Variants in MYOF observed in about 807,000 individuals in gnomAD.
MYOF encodes myoferlin.
MYOF carries 244 observed loss-of-function variants against 284.2 expected under a neutral mutation model. That is an observed-to-expected ratio of 0.86 (90% confidence interval 0.77 to 0.95). The LOEUF (loss-of-function observed/expected upper bound fraction) is 0.95. Ranked by LOEUF, MYOF falls within the 40% of genes least tolerant of loss-of-function variation. The pLI, the probability that MYOF is intolerant of heterozygous loss-of-function variation, is 0.00. For synonymous variants in MYOF, 904 were observed against 919.7 expected (o/e 0.98, Z 0.31); for missense variants, 2,496 against 2,560.6 (o/e 0.97, Z 0.54).
At chr10:93,361,370 C>G (rs931601388) in intron 28 of MYOF, 82 bp downstream of exon 28, 47 of 1,352,216 alleles carry the variant, frequency 3.5e-5, no homozygotes, top group Non-Finnish European at 4.3e-5. Flanking sequence ...AAGTGAGGCC[C>G]CTCCCTCCCA....
At chr10:93,329,054 A>T in intron 44 of MYOF, 143 bp from the exon 45 acceptor site, 1 of 770,920 alleles carries the variant, frequency 1.3e-6, no homozygotes, top group East Asian at 2.5e-5. Context: ...TTGGCCTAGA[A>T]ATCTATTTCA....
Position 93,310,097 on chromosome 10 carries a change from A to C in MYOF, c.6070T>G (p.Phe2024Val), listed in dbSNP as rs1365735125. The C allele has an allele frequency of 6.2e-7, 1 of 1,614,168 alleles. No homozygotes were observed. Among genetic ancestry groups the C allele is most frequent in the Admixed American group, 1.7e-5 (1 of 60,018 alleles). ...KTMKFIVWRR[F>V]KWVIIGLLFL... is the part of the protein sequence containing the mutation. ...AGCAAGCCGATGATGACCCACTTAA[A>C]GCGGCGCCACACGATGAACTTCATG... The change falls in exon 53 of 54, where the codon TTT becomes GTT. Residue 2024 changes from phenylalanine to valine, a missense_variant. This residue lies in a region of MYOF where 2,436 missense variants were observed against 2,480.7 expected (regional missense o/e 0.98). Transcript: ENST00000359263.
chr10:93,418,527 G>T (rs1848227184), intron 5 of MYOF, among the ~76,000 whole-genome samples: 1 of 152,168 alleles, frequency 6.6e-6, no homozygotes, highest in Non-Finnish European at 1.5e-5. Flanking sequence ...AAGAAGCAGG[G>T]ATGCAAATGC....
intron 12 of MYOF, among the ~76,000 whole-genome samples, chr10:93,401,152 G>C (rs149164264): frequency 1.6e-3 from 249 of 152,256 alleles, no homozygotes; most frequent in African/African-American, 5.5e-3. Context: ...CTAGAATAAA[G>C]AGAAGATATA....
intron 32 of MYOF, among the ~76,000 whole-genome samples, chr10:93,353,606 T>G (rs1249686919): frequency 3.3e-5 from 5 of 152,208 alleles, no homozygotes; most frequent in Non-Finnish European, 7.3e-5. Flanking sequence ...ATCTTCTATG[T>G]ATTACTAGGA....
intron 53 of MYOF, among the ~76,000 whole-genome samples, 196 bp from the exon 54 acceptor site, chr10:93,307,197 C>CCCCG (rs1589362320): frequency 1.9e-5 from 1 of 51,630 alleles, no homozygotes; most frequent in East Asian, 2.0e-4. Context: ...CACCCCCCCG[C>CCCCG]CAAGTTGTTG....
chr10:93,433,504 A>G (rs948754377), intron 3 of MYOF, among the ~76,000 whole-genome samples: 2 of 152,234 alleles, frequency 1.3e-5, no homozygotes, highest in African/African-American at 2.4e-5. Context: ...TCCTGTCTAC[A>G]TCGGCACTGA....
intron 49 of MYOF, among the ~76,000 whole-genome samples, chr10:93,317,274 T>C (rs74665509): frequency 0.046 from 5,625 of 123,150 alleles, 411 homozygotes; most frequent in African/African-American, 0.17. Flanking sequence ...GTAAGGAGAC[T>C]GGGGCCCAGA....
chr10:93,442,328 G>T (rs929018484), intron 3 of MYOF, among the ~76,000 whole-genome samples: 1 of 151,998 alleles, frequency 6.6e-6, no homozygotes, highest in Non-Finnish European at 1.5e-5. Context: ...GGAAATTGAA[G>T]TAATTTTTTC....
chr10:93,331,177 G>C (rs1843280792), intron 43 of MYOF, among the ~76,000 whole-genome samples: 1 of 152,134 alleles, frequency 6.6e-6, no homozygotes, highest in Non-Finnish European at 1.5e-5. Context: ...ATGATGGATA[G>C]GACTCTGAGT....
intron 53 of MYOF, among the ~76,000 whole-genome samples, chr10:93,308,912 A>T (rs1451708989): frequency 2.0e-5 from 3 of 152,108 alleles, no homozygotes; most frequent in African/African-American, 7.2e-5. Context: ...GGGTTTCGCT[A>T]TGTTGGCCAG....
intron 27 of MYOF, among the ~76,000 whole-genome samples, chr10:93,362,226 G>T (rs1326478408): frequency 1.3e-5 from 2 of 149,630 alleles, no homozygotes; most frequent in Admixed American, 1.3e-4. Context: ...GGGATTACAG[G>T]CGTGAGCAAC....
At position 93,335,996 on chromosome 10, in the gene MYOF, G is replaced by A. The variant is rs373060473; in HGVS notation, c.4488C>T (p.Asp1496=). 4.3e-6 allele frequency: 7 copies of A among 1,614,146 alleles called. No homozygotes were observed. Among genetic ancestry groups the A allele is most frequent in the South Asian group, 1.1e-5 (1 of 91,072 alleles). Residue 1496 remains aspartate (D), a synonymous_variant, in exon 41 of 54, where the codon GAC becomes GAT. Transcript: ENST00000359263. ...ENVAEFEGLT[D]FSDTFKLYRG... is the part of the protein sequence containing the mutation. ...GGTACAACTTGAACGTATCTGAGAA[G>A]TCTGTCAGGCCCTCAAATTCTGCTA...
intron 40 of MYOF, chr10:93,337,496 ACTTCTGGGTTTCC>A (rs766665423): frequency 3.2e-5 from 9 of 285,334 alleles, no homozygotes; most frequent in Non-Finnish European, 5.2e-5. Flanking sequence ...GAGCACTATG[ACTTCTGGGTTTCC>A]CTGAGTCAAA....
At chr10:93,444,714 C>T (rs2056378463) in intron 3 of MYOF, among the ~76,000 whole-genome samples, 1 of 152,280 alleles carries the variant, frequency 6.6e-6, no homozygotes, top group Non-Finnish European at 1.5e-5. Flanking sequence ...AAACTCTACG[C>T]AGTACCTCTT....
chr10:93,430,521 G>T (rs918020387), intron 4 of MYOF, among the ~76,000 whole-genome samples: 1 of 150,318 alleles, frequency 6.7e-6, no homozygotes, highest in African/African-American at 2.5e-5. Context: ...GGCAGAGGTT[G>T]CAGTGAGCCG....
intron 43 of MYOF, among the ~76,000 whole-genome samples, chr10:93,330,300 G>A (rs763845473): frequency 2.0e-5 from 3 of 152,090 alleles, no homozygotes; most frequent in Non-Finnish European, 2.9e-5. Context: ...ATGCCCATTA[G>A]CTGTTCACCA....
At chr10:93,413,239 T>C (rs1293815404) in intron 5 of MYOF, among the ~76,000 whole-genome samples, 1 of 152,222 alleles carries the variant, frequency 6.6e-6, no homozygotes, top group African/African-American at 2.4e-5. Context: ...TCTTCTGCTA[T>C]TCAGACTTTA....
chr10:93,399,404 A>T lies in MYOF; in HGVS notation c.1209T>A (p.Phe403Leu). Reference protein sequence around the residue: ...NLVDPFVEVSFAGKKVCTNII... With the variant: ...NLVDPFVEVSLAGKKVCTNII... ...ATCATGTACAAACCTTTTTTCCAGC[A>T]AAGGAAACTTCTACAAAAGGATCCA... Residue 403 changes from phenylalanine (F) to leucine (L), a missense_variant, in exon 13 of 54, where the codon TTT becomes TTA. Physicochemically the swap from Phe to Leu is conservative, Grantham distance 22. This residue lies in a region of MYOF where 2,436 missense variants were observed against 2,480.7 expected (regional missense o/e 0.98). Coordinates refer to ENST00000359263, the MANE Select transcript of MYOF (RefSeq NM_013451.4). 1 of 1,611,130 alleles carries T rather than the reference A, an allele frequency of 6.2e-7. No individual in the cohort carries two copies. The highest frequency in any genetic ancestry group is 1.7e-5 in the Admixed American group (1 of 59,780).
Sources: allele counts gnomAD v4.1 joint callset (sites outside exome capture counted in the v4.1 genomes callset), GRCh38; gene constraint gnomAD v4.1.1; regional missense constraint gnomAD v4.1.1; transcripts MANE v1.5; gene names NCBI Gene and HGNC (gene_info 2026-07-23, HGNC 2026-07-21).